Variants in C10orf67 observed in about 807,000 individuals in gnomAD.
C10orf67 encodes the protein chromosome 10 open reading frame 67, also known as uncharacterized protein C10orf67, mitochondrial.
A neutral mutation model predicts 35.6 loss-of-function variants in C10orf67; 60 were observed. That is an observed-to-expected ratio of 1.68 (90% CI 1.37 to 2.09). The LOEUF is 2.09. C10orf67 is among the 30% of genes most tolerant of loss of function. C10orf67 has a pLI of 0.00. For synonymous variants in C10orf67, 167 were observed against 115.8 expected (o/e 1.44, Z -2.84); for missense variants, 474 against 330.2 (o/e 1.44, Z -3.38).
intron 8 of C10orf67, among the ~76,000 whole-genome samples, chr10:23,272,420 T>C (rs1843053656): frequency 6.6e-6 from 1 of 152,242 alleles, no homozygotes; most frequent in Non-Finnish European, 1.5e-5. Flanking sequence ...TGTCCAATTG[T>C]TTCAGTACTA....
intron 12 of C10orf67, among the ~76,000 whole-genome samples, chr10:23,244,583 T>C (rs569398646): frequency 6.6e-6 from 1 of 152,152 alleles, no homozygotes; most frequent in South Asian, 2.1e-4. Context: ...AGAAATTTTT[T>C]AAAAAATTCC....
At chr10:23,233,972 C>G (rs1404040519) in intron 13 of C10orf67, among the ~76,000 whole-genome samples, 1 of 152,170 alleles carries the variant, frequency 6.6e-6, no homozygotes, top group Non-Finnish European at 1.5e-5. Context: ...GATAAATTCA[C>G]ATAGTTTCAG....
chr10:23,302,680 G>A lies in C10orf67; in HGVS notation c.702+624C>T, dbSNP rs79288361. 3.1e-3 allele frequency among the ~76,000 whole-genome samples: 468 copies of A among 152,276 alleles called. 14 individuals are homozygous for A. In the East Asian group the frequency reaches 0.05, roughly 16 times the overall value. ...GCAGACATGAGATGACAATGAATTCGTTCTCAGGATCCACATTTTCCAAAG... is the reference window on the plus strand; with the variant it reads ...GCAGACATGAGATGACAATGAATTCATTCTCAGGATCCACATTTTCCAAAG... On this transcript the variant is annotated intron_variant, in intron 5 of 15. Coordinates refer to ENST00000636213, the MANE Select transcript of C10orf67 (RefSeq NM_001371909.1).
intron 10 of C10orf67, among the ~76,000 whole-genome samples, chr10:23,265,522 A>C (rs1188342675): frequency 6.6e-6 from 1 of 152,246 alleles, no homozygotes; most frequent in Non-Finnish European, 1.5e-5. Context: ...ATGCCTTCTA[A>C]AAGGAGCCTT....
chr10:23,270,633 G>A (rs1438987617), intron 8 of C10orf67, among the ~76,000 whole-genome samples: 1 of 152,168 alleles, frequency 6.6e-6, no homozygotes, highest in Admixed American at 6.5e-5. Context: ...CCACTGGCTT[G>A]GAATTCCAGA....
At chr10:23,290,103 C>T (rs1329723376) in intron 6 of C10orf67, 145 bp from the exon 7 acceptor site, 2 of 581,112 alleles carry the variant, frequency 3.4e-6, no homozygotes, top group Non-Finnish European at 6.1e-6. Flanking sequence ...TCACAACTGC[C>T]CTTGACATTC....
intron 4 of C10orf67, among the ~76,000 whole-genome samples, chr10:23,306,465 A>T (rs1844283760): frequency 6.7e-6 from 1 of 148,830 alleles, no homozygotes; most frequent in Non-Finnish European, 1.5e-5. Flanking sequence ...TGGAGGTTGC[A>T]GTGAGCCGAG....
At chr10:23,249,160 A>C (rs925999316) in intron 12 of C10orf67, among the ~76,000 whole-genome samples, 1 of 138,266 alleles carries the variant, frequency 7.2e-6, no homozygotes, top group Non-Finnish European at 1.5e-5. Flanking sequence ...AAAAAAAAAA[A>C]GAAAACTGAT....
chr10:23,267,273 A>G lies in C10orf67; in HGVS notation c.976-19T>C, dbSNP rs1842907558. ...TATTAATCTGTAAAATTGAAGACCCATATCATTGGTTATTATCTGCAAAGA... is the reference window on the plus strand; with the variant it reads ...TATTAATCTGTAAAATTGAAGACCCGTATCATTGGTTATTATCTGCAAAGA... On this transcript the variant is annotated intron_variant, in intron 8 of 15. Coordinates refer to ENST00000636213, the MANE Select transcript of C10orf67 (RefSeq NM_001371909.1). 1.4e-6 allele frequency: 1 copy of G among 699,412 alleles called. No individual in the cohort carries two copies. Among genetic ancestry groups the G allele is most frequent in the Non-Finnish European group, 2.6e-6 (1 of 380,258 alleles). The allele number at this position is 699,412 out of a possible 1,614,324, so 43.3% of individuals were successfully genotyped here.
intron 1 of C10orf67, chr10:23,343,854 G>C (rs989356866): frequency 4.4e-6 from 2 of 458,184 alleles, no homozygotes; most frequent in Non-Finnish European, 9.0e-6. Context: ...CGAGGGCCGG[G>C]GCGCGAGGGC....
At chr10:23,300,087 T>C (rs1844022918) in intron 5 of C10orf67, among the ~76,000 whole-genome samples, 1 of 152,040 alleles carries the variant, frequency 6.6e-6, no homozygotes, top group Non-Finnish European at 1.5e-5. Context: ...GGTGATGGCA[T>C]GGGCTGGTGC....
chr10:23,282,768 C>T (rs1182919662), intron 7 of C10orf67, among the ~76,000 whole-genome samples: 1 of 152,128 alleles, frequency 6.6e-6, no homozygotes, highest in Non-Finnish European at 1.5e-5. Flanking sequence ...GAATTTAAGG[C>T]TGCAATGAAC....
intron 13 of C10orf67, among the ~76,000 whole-genome samples, chr10:23,229,748 A>T (rs1841854507): frequency 6.6e-6 from 1 of 152,144 alleles, no homozygotes; most frequent in Non-Finnish European, 1.5e-5. Flanking sequence ...GTATAATAGC[A>T]TAAAAATACA....
intron 13 of C10orf67, among the ~76,000 whole-genome samples, chr10:23,234,504 C>T (rs976450487): frequency 1.3e-5 from 2 of 152,032 alleles, no homozygotes; most frequent in African/African-American, 4.8e-5. Flanking sequence ...TAGAGGGAAA[C>T]AACTACATTG....
intron 4 of C10orf67, among the ~76,000 whole-genome samples, chr10:23,305,062 C>A (rs566048336): frequency 6.6e-6 from 1 of 152,210 alleles, no homozygotes; most frequent in Admixed American, 6.6e-5. Flanking sequence ...CTTTACCTAC[C>A]AAAACCAGTC....
chr10:23,289,794 A>T, intron 7 of C10orf67, 106 bp downstream of exon 7: 2 of 617,554 alleles, frequency 3.2e-6, no homozygotes, highest in South Asian at 4.4e-5. Flanking sequence ...TATGTGAATC[A>T]ACTTTCCTCT....
chr10:23,212,788 A>AGAGAGAGAGAGG (rs72279561), intron 15 of C10orf67, among the ~76,000 whole-genome samples: 1 of 140,052 alleles, frequency 7.1e-6, no homozygotes. Context: ...TGAGAGAGAG[A>AGAGAGAGAGAGG]GAGAGAGAGA....
chr10:23,313,713 C>A (rs184421523), intron 4 of C10orf67, among the ~76,000 whole-genome samples: 4 of 152,082 alleles, frequency 2.6e-5, no homozygotes, highest in Admixed American at 2.0e-4. Context: ...AAGCAGGCGA[C>A]GGCCCAGTAT....
chr10:23,318,283 C>G (rs559425102), intron 4 of C10orf67: 1 of 152,238 alleles, frequency 6.6e-6, no homozygotes, highest in Non-Finnish European at 1.5e-5. Flanking sequence ...CATCTGGACG[C>G]TTCTCCACTC....
Sources: allele counts gnomAD v4.1 joint callset (sites outside exome capture counted in the v4.1 genomes callset), GRCh38; gene constraint gnomAD v4.1.1; transcripts MANE v1.5; gene names NCBI Gene and HGNC (gene_info 2026-07-23, HGNC 2026-07-21).